The following MAPK10 variants were observed in gnomAD, a reference collection of about 807,000 sequenced individuals.
MAPK10 encodes the protein JNK3 alpha protein kinase.
Under a neutral mutation model 59.3 loss-of-function variants are expected in MAPK10, and 25 were observed. The ratio of observed to expected loss-of-function variants is 0.42; its 90% confidence interval spans 0.31 to 0.59. MAPK10 has a LOEUF of 0.59. Among genes scored for constraint, MAPK10 ranks in the 20% least tolerant of loss-of-function variants. The probability of loss-of-function intolerance (pLI) is 0.15; values close to 1 mark genes in which losing one functional copy is unlikely to be tolerated. For missense variants in MAPK10, 351 were observed against 568.9 expected, an observed-to-expected ratio of 0.62 and a Z score of 3.90; for synonymous variants, 190 against 200.5, an observed-to-expected ratio of 0.95 and a Z score of 0.44.
Position 86,402,034 on chromosome 4 carries a change from C to T in MAPK10, c.-121-47390G>A, listed in dbSNP as rs567897734. 7.9e-5 allele frequency among the ~76,000 whole-genome samples: 12 copies of T among 152,234 alleles called. No individual in the cohort carries two copies. In the East Asian group the frequency reaches 2.3e-3, roughly 29 times the overall value. On this transcript the variant is annotated intron_variant, in intron 1 of 13. Transcript: ENST00000361569. ...ACGCCCCCAGCCATAGTAATTACTT[C>T]CATATGAGCACATGACCTGTGCTGA...
intron 2 of MAPK10, among the ~76,000 whole-genome samples, chr4:86,285,493 G>A (rs1327103009): frequency 6.6e-6 from 1 of 152,076 alleles, no homozygotes; most frequent in Non-Finnish European, 1.5e-5. Context: ...GGGATTACAG[G>A]TGTGAGCCAC....
intron 2 of MAPK10, among the ~76,000 whole-genome samples, chr4:86,300,113 G>A (rs550016795): frequency 5.3e-5 from 8 of 151,920 alleles, no homozygotes; most frequent in Non-Finnish European, 1.2e-4. Flanking sequence ...GGCTGGTCTC[G>A]AACTCCTGAC....
intron 1 of MAPK10, among the ~76,000 whole-genome samples, chr4:86,498,622 G>A (rs949841418): frequency 6.6e-5 from 10 of 152,160 alleles, no homozygotes; most frequent in Admixed American, 1.3e-4. Context: ...AATTTTTAGT[G>A]AGAGTTGACT....
At chr4:86,404,817 T>G (rs952633427) in intron 1 of MAPK10, among the ~76,000 whole-genome samples, 1 of 152,098 alleles carries the variant, frequency 6.6e-6, no homozygotes, top group Non-Finnish European at 1.5e-5. Flanking sequence ...ACAGTAAGAG[T>G]TGTATAGCAG....
chr4:86,364,751 C>T (rs1737560496), upstream of MAPK10, among the ~76,000 whole-genome samples: 1 of 151,996 alleles, frequency 6.6e-6, no homozygotes, highest in Non-Finnish European at 1.5e-5. Context: ...GAGGCTGAGG[C>T]GGGTGGATCA....
chr4:86,145,361 CAAAAAAA>C (rs1166418131), intron 4 of MAPK10, among the ~76,000 whole-genome samples: 4 of 55,354 alleles, frequency 7.2e-5, no homozygotes, highest in South Asian at 7.2e-4. Flanking sequence ...GACACCGTCT[CAAAAAAA>C]AAAAAAAAAA....
chr4:86,168,443 G>T (rs6850605), intron 3 of MAPK10, among the ~76,000 whole-genome samples: 1 of 152,128 alleles, frequency 6.6e-6, no homozygotes, highest in African/African-American at 2.4e-5. Context: ...CTACACGCAC[G>T]GAGTCTCGCT....
At chr4:86,242,902 C>G (rs1014133782) in intron 2 of MAPK10, among the ~76,000 whole-genome samples, 1 of 152,138 alleles carries the variant, frequency 6.6e-6, no homozygotes, top group African/African-American at 2.4e-5. Context: ...AGATTCTAGC[C>G]GAAGAATCTG....
chr4:86,426,660 C>T (rs2149037513), intron 1 of MAPK10, among the ~76,000 whole-genome samples: 1 of 152,280 alleles, frequency 6.6e-6, no homozygotes, highest in African/African-American at 2.4e-5. Context: ...TGCTAAATAT[C>T]TTTAATCCTG....
intron 2 of MAPK10, among the ~76,000 whole-genome samples, chr4:86,294,318 T>C (rs548425245): frequency 6.6e-6 from 1 of 152,352 alleles, no homozygotes; most frequent in African/African-American, 2.4e-5. Flanking sequence ...CCCCTAGGTT[T>C]ACTTTGAGAT....
At position 86,316,400 on chromosome 4, in the gene MAPK10, A is replaced by G. The variant is rs921035821; in HGVS notation, c.-7+38130T>C. The stretch of plus-strand genomic sequence containing the variant: ...AGAGAGAGAGAATTGACATATAAAC[A>G]TAAATCTGAATTGGTCATATGACTA... On this transcript the variant is annotated intron_variant, in intron 2 of 13. Transcript: ENST00000641462. Among the ~76,000 whole-genome samples the G allele has an allele frequency of 2.0e-5, 3 of 152,312 alleles. No individual in the cohort carries two copies. The East Asian group carries it at 5.8e-4, about 29-fold the overall frequency.
At chr4:86,541,067 G>T (rs1022250001) in intron 1 of MAPK10, among the ~76,000 whole-genome samples, 1 of 152,170 alleles carries the variant, frequency 6.6e-6, no homozygotes, top group African/African-American at 2.4e-5. Context: ...GGATTGGGGT[G>T]GGGTGGGGGC....
intron 1 of MAPK10, among the ~76,000 whole-genome samples, chr4:86,577,129 AC>A (rs1761960853): frequency 6.6e-6 from 1 of 151,776 alleles, no homozygotes. Context: ...TGTAGTGAGA[AC>A]CCCCGCAACC....
chr4:86,256,451 TTC>T (rs1369937016), intron 2 of MAPK10, among the ~76,000 whole-genome samples: 1 of 152,126 alleles, frequency 6.6e-6, no homozygotes, highest in Non-Finnish European at 1.5e-5. Flanking sequence ...ATTACCAACA[TTC>T]TCTTTCTGTT....
At chr4:86,419,269 A>G (rs1358086723) in intron 1 of MAPK10, among the ~76,000 whole-genome samples, 3 of 152,138 alleles carry the variant, frequency 2.0e-5, no homozygotes, top group Non-Finnish European at 4.4e-5. Flanking sequence ...GTTTTTATCA[A>G]TTGTATTGGT....
chr4:86,060,777 GTAGGTA>G (rs1229162160), intron 11 of MAPK10, among the ~76,000 whole-genome samples: 1 of 152,058 alleles, frequency 6.6e-6, no homozygotes, highest in Non-Finnish European at 1.5e-5. Context: ...CAAAGAAGAG[GTAGGTA>G]TACATTAAAC....
chr4:86,427,620 T>C (rs1379587275), intron 1 of MAPK10, among the ~76,000 whole-genome samples: 2 of 152,206 alleles, frequency 1.3e-5, no homozygotes, highest in African/African-American at 4.8e-5. Context: ...AGGAAGAGGA[T>C]TAAAATGTTT....
intron 4 of MAPK10, among the ~76,000 whole-genome samples, chr4:86,140,388 A>G (rs1031379915): frequency 1.4e-5 from 2 of 146,444 alleles, no homozygotes; most frequent in Non-Finnish European, 2.9e-5. Context: ...TTGTAGGGAC[A>G]TGGATGAAAT....
intron 1 of MAPK10, among the ~76,000 whole-genome samples, chr4:86,445,751 A>G (rs2149050756): frequency 6.6e-6 from 1 of 152,152 alleles, no homozygotes; most frequent in Admixed American, 6.5e-5. Flanking sequence ...GTAGAAGGGG[A>G]AAATAAAACT....
Sources: gnomAD v4.1 joint callset for allele counts (sites outside exome capture counted in the v4.1 genomes callset) on GRCh38, gnomAD v4.1.1 for gene constraint, MANE v1.5 for transcripts, NCBI Gene and HGNC (gene_info 2026-07-23, HGNC 2026-07-21) for gene names.